The following EBF1 variants were observed in gnomAD, a reference collection of about 807,000 sequenced individuals.
EBF1 encodes the protein transcription factor COE1.
EBF1 carries 10 observed loss-of-function variants against 68.4 expected under a neutral mutation model. The ratio of observed to expected loss-of-function variants is 0.15; its 90% CI spans 0.09 to 0.25. The LOEUF is 0.25. EBF1 is among the 10% of genes least tolerant of loss of function. The probability of loss-of-function intolerance (pLI) is 1.00; values close to 1 mark genes in which losing one functional copy is unlikely to be tolerated. For missense variants in EBF1, 509 were observed against 794.4 expected, an observed-to-expected ratio of 0.64 and a Z score of 4.32; for synonymous variants, 298 against 299.8, an observed-to-expected ratio of 0.99 and a Z score of 0.06.
intron 10 of EBF1, among the ~76,000 whole-genome samples, chr5:158,749,944 T>C (rs1260025117): frequency 1.3e-5 from 2 of 152,120 alleles, no homozygotes; most frequent in African/African-American, 4.8e-5. Flanking sequence ...GACATCAACA[T>C]TGAAACTACA....
chr5:158,804,886 CA>C (rs1197718402), intron 8 of EBF1, among the ~76,000 whole-genome samples: 6 of 152,040 alleles, frequency 3.9e-5, no homozygotes, highest in Admixed American at 3.9e-4. Flanking sequence ...CATTGCAAAG[CA>C]ATGGGGAAAA....
At chr5:159,074,290 C>G (rs929829406) in intron 5 of EBF1, among the ~76,000 whole-genome samples, 1 of 152,162 alleles carries the variant, frequency 6.6e-6, no homozygotes, top group African/African-American at 2.4e-5. Flanking sequence ...GAGATGCCTT[C>G]TAAAGGGTGA....
At chr5:158,730,615 G>T (rs6556363) in intron 11 of EBF1, among the ~76,000 whole-genome samples, 95,387 of 152,102 alleles carry the variant, frequency 0.63, 30,869 homozygotes, top group East Asian at 0.95. Context: ...TTCTCCTCTT[G>T]CCAGGACTAA....
chr5:159,025,349 G>A (rs1561824247), intron 6 of EBF1, among the ~76,000 whole-genome samples: 1 of 152,216 alleles, frequency 6.6e-6, no homozygotes, highest in African/African-American at 2.4e-5. Flanking sequence ...AAAGGGGGCT[G>A]TTGATGTGTC....
chr5:158,781,746 TTCTTC>T (rs1468142113), intron 9 of EBF1, among the ~76,000 whole-genome samples: 1 of 152,182 alleles, frequency 6.6e-6, no homozygotes, highest in Admixed American at 6.6e-5. Context: ...TCTTCTCTGC[TTCTTC>T]TCTTTCTCCT....
chr5:158,943,651 T>C (rs1813985392), intron 6 of EBF1, among the ~76,000 whole-genome samples: 1 of 152,152 alleles, frequency 6.6e-6, no homozygotes, highest in Non-Finnish European at 1.5e-5. Flanking sequence ...AGATTTTACC[T>C]AAGAGTGTGG....
intron 6 of EBF1, among the ~76,000 whole-genome samples, chr5:158,963,627 C>A (rs1161231983): frequency 1.3e-5 from 2 of 152,196 alleles, no homozygotes; most frequent in African/African-American, 4.8e-5. Flanking sequence ...ACTAGGGAAG[C>A]TGGTGGTCAC....
chr5:158,902,012 A>T (rs546543628), intron 6 of EBF1, among the ~76,000 whole-genome samples: 1 of 152,264 alleles, frequency 6.6e-6, no homozygotes, highest in Admixed American at 6.5e-5. Flanking sequence ...AATCACTTGA[A>T]CCAGGGGGGC....
intron 6 of EBF1, among the ~76,000 whole-genome samples, chr5:159,027,902 C>T (rs566219180): frequency 6.6e-6 from 1 of 152,306 alleles, no homozygotes; most frequent in Non-Finnish European, 1.5e-5. Flanking sequence ...AGGGTTCCCC[C>T]AGCTCATATG....
intron 6 of EBF1, among the ~76,000 whole-genome samples, chr5:159,021,014 T>C (rs1766575043): frequency 6.6e-6 from 1 of 152,248 alleles, no homozygotes; most frequent in South Asian, 2.1e-4. Flanking sequence ...GAAGACTCGC[T>C]CCGGGGTGTG....
chr5:159,041,452 G>A lies in EBF1; in HGVS notation c.554+31944C>T, dbSNP rs542337832. On this transcript the variant is annotated intron_variant, in intron 6 of 15. Coordinates refer to ENST00000313708, the MANE Select transcript of EBF1 (RefSeq NM_024007.5). ...AATAAATACTAAAACAGCCTGTCGC[G>A]TATGGATTCTGTGTGGTTATTTTAT... 1.3e-4 allele frequency among the ~76,000 whole-genome samples: 20 copies of A among 152,274 alleles called. No individual in the cohort carries two copies. The East Asian group carries it at 1.9e-3, about 15-fold the overall frequency.
In EBF1 at chr5:158,973,793, T is replaced by A. The variant is rs1239172013; in HGVS notation, c.554+99603A>T. Reference sequence around the variant, plus strand: ...ATTCTTAGCTAAATGTCCCATAAAATCCTCAATAATTCCTAGTAGTAGTAG... The same window carrying A: ...ATTCTTAGCTAAATGTCCCATAAAAACCTCAATAATTCCTAGTAGTAGTAG... On this transcript the variant is annotated intron_variant, in intron 6 of 15. Coordinates refer to ENST00000313708, the MANE Select transcript of EBF1 (RefSeq NM_024007.5). Among the ~76,000 whole-genome samples, 3 of 152,188 alleles carry A rather than the reference T, an allele frequency of 2.0e-5. No homozygotes were observed. In the East Asian group the frequency reaches 5.8e-4, roughly 29 times the overall value.
intron 14 of EBF1, 125 bp from the exon 15 acceptor site, chr5:158,708,298 AC>A (rs1758352315): frequency 3.1e-6 from 3 of 956,646 alleles, no homozygotes. Context: ...TCCAGCACAA[AC>A]CTTCCCTGAA....
chr5:158,868,105 C>A (rs1468439332), intron 6 of EBF1, among the ~76,000 whole-genome samples: 1 of 151,910 alleles, frequency 6.6e-6, no homozygotes, highest in Non-Finnish European at 1.5e-5. Context: ...CCCCAAGAAA[C>A]AAACAACATA....
intron 6 of EBF1, among the ~76,000 whole-genome samples, chr5:159,051,028 T>C (rs1773521345): frequency 6.6e-6 from 1 of 152,020 alleles, no homozygotes; most frequent in Non-Finnish European, 1.5e-5. Flanking sequence ...TATACGAATG[T>C]TAGGAAGGGG....
intron 4 of EBF1, among the ~76,000 whole-genome samples, chr5:159,087,955 T>A (rs1781008879): frequency 6.6e-6 from 1 of 152,092 alleles, no homozygotes; most frequent in Non-Finnish European, 1.5e-5. Context: ...GAACAATATT[T>A]TTCAGCACAT....
chr5:158,892,833 T>A (rs1312164748), intron 6 of EBF1, among the ~76,000 whole-genome samples: 1 of 152,154 alleles, frequency 6.6e-6, no homozygotes, highest in African/African-American at 2.4e-5. Context: ...TATTCTTATT[T>A]TTTATTATTT....
intron 11 of EBF1, among the ~76,000 whole-genome samples, chr5:158,714,940 G>A (rs1171846257): frequency 3.3e-5 from 5 of 151,970 alleles, no homozygotes; most frequent in African/African-American, 1.2e-4. Context: ...TTTTTACTTA[G>A]GTGGACCTCC....
intron 6 of EBF1, among the ~76,000 whole-genome samples, chr5:158,969,908 GAAAGAAAGAAAA>G (rs1206192819): frequency 0.015 from 1,519 of 104,090 alleles, 21 homozygotes; most frequent in Middle Eastern, 0.038. Flanking sequence ...AAGAAAGAAA[GAAAGAAAGAAAA>G]AAAAAAAAAA....
Sources: gnomAD v4.1 joint callset for allele counts (sites outside exome capture counted in the v4.1 genomes callset) on GRCh38, gnomAD v4.1.1 for gene constraint, MANE v1.5 for transcripts, NCBI Gene and HGNC (gene_info 2026-07-23, HGNC 2026-07-21) for gene names.